Variants in SLC1A6 observed in about 807,000 individuals in gnomAD.
The protein encoded by SLC1A6 is excitatory amino acid transporter 4.
In SLC1A6, 15 loss-of-function variants were observed where a neutral mutation model predicts 42.1. That is an observed-to-expected ratio of 0.36 (90% confidence interval 0.24 to 0.55). The LOEUF is 0.55. SLC1A6 is among the 20% of genes least tolerant of loss of function. SLC1A6 has a pLI of 0.88. For synonymous variants in SLC1A6, 317 were observed against 319.7 expected (o/e 0.99, Z 0.09); for missense variants, 542 against 772.5 (o/e 0.70, Z 3.54).
upstream of SLC1A6, among the ~76,000 whole-genome samples, chr19:14,984,383 G>A (rs1356079661): frequency 6.6e-6 from 1 of 151,896 alleles, no homozygotes; most frequent in African/African-American, 2.4e-5. Flanking sequence ...TAACTACCAT[G>A]AATCATGAAA....
chr19:15,005,049 A>C (rs1233026348), intron 1 of SLC1A6, among the ~76,000 whole-genome samples: 1 of 152,204 alleles, frequency 6.6e-6, no homozygotes, highest in African/African-American at 2.4e-5. Context: ...GTTTGAGTCC[A>C]GGAGTTTGAG....
chr19:14,955,083 T>C (rs1017726324), intron 7 of SLC1A6, among the ~76,000 whole-genome samples: 1 of 152,086 alleles, frequency 6.6e-6, no homozygotes, highest in African/African-American at 2.4e-5. Flanking sequence ...GGCATCTCAT[T>C]TGGGGTAAGT....
chr19:14,952,215 G>A (rs1354613347), intron 9 of SLC1A6, among the ~76,000 whole-genome samples: 1 of 150,810 alleles, frequency 6.6e-6, no homozygotes, highest in African/African-American at 2.4e-5. Context: ...TGAAGCAAGA[G>A]GATTGCTTAA....
intron 1 of SLC1A6, among the ~76,000 whole-genome samples, chr19:14,993,168 G>A (rs1245014962): frequency 6.6e-6 from 1 of 152,124 alleles, no homozygotes; most frequent in African/African-American, 2.4e-5. Context: ...TCAGAACTGA[G>A]GGATTCAGGA....
At chr19:14,980,831 G>A (rs1002644796), upstream of SLC1A6, among the ~76,000 whole-genome samples, 4 of 151,980 alleles carry the variant, frequency 2.6e-5, no homozygotes, top group Non-Finnish European at 5.9e-5. Context: ...GCGGGGACAG[G>A]TGCTCAGAAA....
At chr19:14,954,466 T>C in intron 7 of SLC1A6, 137 bp from the exon 8 acceptor site, 1 of 752,874 alleles carries the variant, frequency 1.3e-6, no homozygotes, top group South Asian at 1.6e-5. Flanking sequence ...CGTGACCTAG[T>C]GGGGTACGGC....
chr19:15,003,660 C>CAAAAAAAAAAAAAAA (rs371118940), intron 1 of SLC1A6, among the ~76,000 whole-genome samples: 3 of 121,972 alleles, frequency 2.5e-5, no homozygotes, highest in African/African-American at 3.1e-5. Context: ...CATGTAATGC[C>CAAAAAAAAAAAAAAA]AAAAAAAAAA....
At chr19:14,985,373 T>A (rs1463076283) in intron 1 of SLC1A6, among the ~76,000 whole-genome samples, 2 of 152,044 alleles carry the variant, frequency 1.3e-5, no homozygotes, top group Non-Finnish European at 2.9e-5. Context: ...GGGGGTGGAT[T>A]TTTTGTGAAT....
intron 1 of SLC1A6, among the ~76,000 whole-genome samples, chr19:14,990,425 G>A (rs2045813693): frequency 6.6e-6 from 1 of 152,170 alleles, no homozygotes; most frequent in African/African-American, 2.4e-5. Context: ...GACTCAAGTT[G>A]GAGGATTGGG....
intron 9 of SLC1A6, among the ~76,000 whole-genome samples, chr19:14,951,078 CAAAAAA>C (rs59828742): frequency 2.6e-4 from 21 of 79,784 alleles, no homozygotes; most frequent in South Asian, 1.0e-3. Context: ...ACTAAAAATA[CAAAAAA>C]AAAAAAAAAA....
At chr19:14,980,689 G>GT (rs913187614), upstream of SLC1A6, among the ~76,000 whole-genome samples, 37 of 149,998 alleles carry the variant, frequency 2.5e-4, no homozygotes, top group Non-Finnish European at 4.9e-4. Context: ...CACGTTCAAT[G>GT]TTTTTTATTA....
At chr19:14,995,899 A>T (rs1308068600) in intron 1 of SLC1A6, among the ~76,000 whole-genome samples, 3 of 152,140 alleles carry the variant, frequency 2.0e-5, no homozygotes, top group Non-Finnish European at 4.4e-5. Flanking sequence ...AGAACATTAG[A>T]CAGCAATATC....
chr19:14,992,306 T>C (rs1378987594), intron 1 of SLC1A6, among the ~76,000 whole-genome samples: 1 of 152,230 alleles, frequency 6.6e-6, no homozygotes, highest in African/African-American at 2.4e-5. Context: ...CCTGATATTT[T>C]GTATGTGGGA....
chr19:15,005,287 G>A (rs977979216), intron 1 of SLC1A6, among the ~76,000 whole-genome samples: 4 of 150,218 alleles, frequency 2.7e-5, no homozygotes, highest in Non-Finnish European at 4.4e-5. Flanking sequence ...AGCAGGGCAC[G>A]GTGGCGGTCA....
chr19:14,988,619 T>C (rs1016963273), intron 1 of SLC1A6, among the ~76,000 whole-genome samples: 5 of 152,170 alleles, frequency 3.3e-5, no homozygotes, highest in Admixed American at 6.6e-5. Flanking sequence ...ATATACACCA[T>C]AGAATACTAC....
At chr19:14,995,022 C>T (rs1482491537) in intron 1 of SLC1A6, among the ~76,000 whole-genome samples, 1 of 152,028 alleles carries the variant, frequency 6.6e-6, no homozygotes, top group African/African-American at 2.4e-5. Context: ...ATGTTGAACT[C>T]ATAGAAAAAG....
At chr19:14,958,477 G>A (rs2045482337) in intron 6 of SLC1A6, among the ~76,000 whole-genome samples, 1 of 152,032 alleles carries the variant, frequency 6.6e-6, no homozygotes, top group East Asian at 1.9e-4. Flanking sequence ...GAGGAGGTGG[G>A]GACCTCTTGG....
chr19:14,996,507 C>T lies in SLC1A6; in HGVS notation c.6+13978G>A, dbSNP rs115768698. Reference sequence around the variant, plus strand: ...TCCCCTTCTTTCTTTCCTCCTCCTCCTCCTCCCTCTCCTCCTCCTCTTTCT... The same window carrying T: ...TCCCCTTCTTTCTTTCCTCCTCCTCTTCCTCCCTCTCCTCCTCCTCTTTCT... On this transcript the variant is annotated intron_variant, in intron 1 of 8. Transcript: ENST00000430939. 7.5e-3 allele frequency among the ~76,000 whole-genome samples: 1,112 copies of T among 147,718 alleles called. 11 individuals carry two copies. Among genetic ancestry groups the T allele is most frequent in the African/African-American group, 0.025 (1,016 of 40,430 alleles).
intron 1 of SLC1A6, chr19:14,974,846 C>T (rs1424066954): frequency 6.6e-6 from 1 of 151,666 alleles, no homozygotes; most frequent in African/African-American, 2.4e-5. Context: ...GGGAGGATCA[C>T]CTGAGCCCAG....
Sources: allele counts gnomAD v4.1 joint callset (sites outside exome capture counted in the v4.1 genomes callset), GRCh38; gene constraint gnomAD v4.1.1; transcripts MANE v1.5; gene names NCBI Gene and HGNC (gene_info 2026-07-23, HGNC 2026-07-21).